GTF2E1: variants seen among roughly 807,000 people sequenced by gnomAD.
GTF2E1 encodes general transcription factor IIE subunit 1, also known as TFIIE alpha subunit.
A neutral mutation model predicts 34.9 loss-of-function variants in GTF2E1; 14 were observed. The observed-to-expected ratio is 0.40, with a 90% CI of 0.27 to 0.63. The LOEUF (loss-of-function observed/expected upper bound fraction) is 0.63, where lower values mean the gene tolerates loss of function less well. GTF2E1 is among the 20% of genes least tolerant of loss of function. The pLI is 0.39. For missense variants in GTF2E1, 469 were observed against 557.7 expected (o/e 0.84, Z 1.60); for synonymous variants, 188 against 192.9 (o/e 0.97, Z 0.21).
intron 3 of GTF2E1, among the ~76,000 whole-genome samples, chr3:120,775,866 T>TA (rs1267600515): frequency 6.6e-6 from 1 of 152,190 alleles, no homozygotes; most frequent in East Asian, 1.9e-4. Flanking sequence ...GGTTATACCT[T>TA]ACTGCATGAG....
intron 1 of GTF2E1, among the ~76,000 whole-genome samples, chr3:120,743,467 C>T (rs1383478784): frequency 6.6e-6 from 1 of 152,100 alleles, no homozygotes. Flanking sequence ...CAAAACGTGC[C>T]TAGGAGACAT....
chr3:120,750,411 G>A (rs141820319), intron 1 of GTF2E1, 112 bp from the exon 2 acceptor site: 226 of 647,386 alleles, frequency 3.5e-4, no homozygotes, highest in African/African-American at 3.3e-3. Flanking sequence ...AAATGCTTAG[G>A]TATTAGAAAT....
chr3:120,764,329 C>A (rs374731922), intron 2 of GTF2E1, among the ~76,000 whole-genome samples: 1 of 152,092 alleles, frequency 6.6e-6, no homozygotes, highest in African/African-American at 2.4e-5. Flanking sequence ...ATGTCAGAAG[C>A]CCTGGGGATA....
chr3:120,755,589 G>A (rs960183834), intron 2 of GTF2E1, among the ~76,000 whole-genome samples: 5 of 151,820 alleles, frequency 3.3e-5, no homozygotes, highest in Admixed American at 2.0e-4. Context: ...TGGAGAATGG[G>A]GTATCCATCC....
chr3:120,742,865 T>A, intron 1 of GTF2E1, 71 bp downstream of exon 1: 1 of 334,088 alleles, frequency 3.0e-6, no homozygotes. Flanking sequence ...TTCTTCTTCC[T>A]TTCGCTCCCT....
chr3:120,770,373 A>G (rs2107611533), intron 2 of GTF2E1, among the ~76,000 whole-genome samples: 1 of 152,304 alleles, frequency 6.6e-6, no homozygotes, highest in Non-Finnish European at 1.5e-5. Context: ...GTAATGTGAA[A>G]ACAAAAAAGA....
Position 120,764,061 on chromosome 3 carries a change from T to G in GTF2E1, c.449-6667T>G, listed in dbSNP as rs912822600. Among the ~76,000 whole-genome samples, 5 of 152,318 alleles carry G rather than the reference T, an allele frequency of 3.3e-5. No homozygotes were observed. In the East Asian group the frequency reaches 9.6e-4, roughly 29 times the overall value. On this transcript the variant is annotated intron_variant, in intron 2 of 4. Transcript: ENST00000283875. ...TTGCCTTTTTGCATGCTATTTTCCC[T>G]TGTCCAAACATTTGCATGACTTGCT... is the stretch of plus-strand genomic sequence containing the variant.
chr3:120,776,643 G>A lies in GTF2E1; in HGVS notation c.871G>A (p.Gly291Ser). 6.2e-7 allele frequency: 1 copy of A among 1,613,394 alleles called. No homozygotes were observed. The highest frequency in any genetic ancestry group is 2.2e-5 in the East Asian group (1 of 44,858). ...LRESTVQGAYGSEDMKEGGID... is the reference protein window; with the variant it reads ...LRESTVQGAYSSEDMKEGGID... The stretch of plus-strand genomic sequence containing the variant: ...AGAAAGCACTGTCCAAGGGGCATAT[G>A]GTTCTGAAGATATGAAAGAAGGTAA... The change falls in exon 4 of 5, where the codon GGT becomes AGT. Residue 291 changes from glycine to serine, a missense_variant. Gly to Ser is a moderately conservative substitution (Grantham distance 56). Coordinates refer to ENST00000283875, the MANE Select transcript of GTF2E1 (RefSeq NM_005513.3).
At chr3:120,777,115 CATGA>C (rs1159623913) in intron 4 of GTF2E1, among the ~76,000 whole-genome samples, 4 of 152,140 alleles carry the variant, frequency 2.6e-5, no homozygotes, top group African/African-American at 9.7e-5. Context: ...AAAGAGACCA[CATGA>C]ATAAAGGATT....
At chr3:120,750,275 T>C (rs1709152870) in intron 1 of GTF2E1, among the ~76,000 whole-genome samples, 1 of 152,228 alleles carries the variant, frequency 6.6e-6, no homozygotes, top group Non-Finnish European at 1.5e-5. Context: ...TATTGTTTTA[T>C]AAATAAAAAG....
intron 2 of GTF2E1, among the ~76,000 whole-genome samples, chr3:120,767,381 A>G (rs1196030838): frequency 3.3e-5 from 5 of 152,208 alleles, no homozygotes; most frequent in East Asian, 3.8e-4. Flanking sequence ...GCATGTTTAC[A>G]TAGAGTTTAT....
intron 2 of GTF2E1, among the ~76,000 whole-genome samples, chr3:120,758,129 C>T (rs1709225781): frequency 6.6e-6 from 1 of 152,144 alleles, no homozygotes; most frequent in South Asian, 2.1e-4. Flanking sequence ...CACTGCCAGC[C>T]TGGGCAACAG....
intron 3 of GTF2E1, among the ~76,000 whole-genome samples, chr3:120,775,582 G>A (rs1234899196): frequency 6.6e-6 from 1 of 152,154 alleles, no homozygotes; most frequent in East Asian, 1.9e-4. Context: ...GATAAAATGG[G>A]GAACCATCAG....
At position 120,750,730 on chromosome 3, in the gene GTF2E1, C is replaced by T. The variant is rs139408677; in HGVS notation, c.178C>T (p.Arg60Ter). 7.4e-6 allele frequency: 12 copies of T among 1,613,820 alleles called. No homozygotes were observed. Among genetic ancestry groups the T allele is most frequent in the Admixed American group, 1.7e-5 (1 of 59,950 alleles). Reference sequence around the variant, plus strand: ...GCTCAAGTTTGATCGGAAGCAACTTCGATCAGTTTTGAATAATTTAAAGGG... The same window carrying T: ...GCTCAAGTTTGATCGGAAGCAACTTTGATCAGTTTTGAATAATTTAAAGGG... ...ELLKFDRKQL[R>*]SVLNNLKGDK... The change falls in exon 2 of 5, where the codon CGA becomes TGA. Residue 60 changes from arginine to a stop codon, truncating the protein, a stop_gained. Transcript: ENST00000283875. LOFTEE classifies it high-confidence loss of function.
chr3:120,749,747 C>T (rs1262529908), intron 1 of GTF2E1: 1 of 151,972 alleles, frequency 6.6e-6, no homozygotes, highest in African/African-American at 2.4e-5. Context: ...GCCCGAAGCC[C>T]AGGTTTTTAA....
chr3:120,743,934 G>T (rs1709081468), intron 1 of GTF2E1, among the ~76,000 whole-genome samples: 1 of 152,132 alleles, frequency 6.6e-6, no homozygotes, highest in Non-Finnish European at 1.5e-5. Flanking sequence ...CGTGGGTCTG[G>T]GCTGGGGTAG....
chr3:120,748,262 C>T (rs1237039696), intron 1 of GTF2E1, among the ~76,000 whole-genome samples: 1 of 151,086 alleles, frequency 6.6e-6, no homozygotes, highest in East Asian at 1.9e-4. Flanking sequence ...TAATTAGATC[C>T]CATTTGTCAA....
intron 3 of GTF2E1, 37 bp downstream of exon 3, chr3:120,770,966 T>A: frequency 6.5e-7 from 1 of 1,528,610 alleles, no homozygotes. Flanking sequence ...AAGAACACAT[T>A]TCAACCTGTT....
intron 1 of GTF2E1, among the ~76,000 whole-genome samples, chr3:120,748,431 G>T (rs898708563): frequency 2.0e-5 from 3 of 152,198 alleles, no homozygotes; most frequent in African/African-American, 7.2e-5. Flanking sequence ...TTTTGTAAAA[G>T]GTGTAAGGAA....
Sources: gnomAD v4.1 joint callset for allele counts (sites outside exome capture counted in the v4.1 genomes callset) on GRCh38, gnomAD v4.1.1 for gene constraint, MANE v1.5 for transcripts, NCBI Gene and HGNC (gene_info 2026-07-23, HGNC 2026-07-21) for gene names.